Variants in TRIM66 observed in about 807,000 individuals in gnomAD.
TRIM66 encodes the protein tripartite motif containing 66, also known as tripartite motif-containing protein 66.
A neutral mutation model predicts 148.2 loss-of-function variants in TRIM66; 99 were observed. The observed-to-expected ratio is 0.67, with a 90% confidence interval of 0.57 to 0.79. The LOEUF is 0.79. Ranked by LOEUF, TRIM66 falls within the 30% of genes least tolerant of loss-of-function variation. TRIM66 has a pLI of 0.00. For missense variants in TRIM66, 1,666 were observed against 1,697.9 expected (o/e 0.98, Z 0.33); for synonymous variants, 616 against 635.9 (o/e 0.97, Z 0.47).
chr11:8,619,091 C>A, intron 23 of TRIM66, 123 bp from the exon 24 acceptor site: 1 of 917,114 alleles, frequency 1.1e-6, no homozygotes, highest in Non-Finnish European at 1.6e-6. Flanking sequence ...TGGAACTTGA[C>A]ATTTTTCTCC....
chr11:8,661,927 G>A (rs2038285706), intron 6 of TRIM66, among the ~76,000 whole-genome samples: 1 of 152,170 alleles, frequency 6.6e-6, no homozygotes, highest in Non-Finnish European at 1.5e-5. Flanking sequence ...AGCACTGGCA[G>A]CAGCAAGCAC....
At chr11:8,631,078 T>C (rs2035350974) in intron 15 of TRIM66, among the ~76,000 whole-genome samples, 1 of 152,196 alleles carries the variant, frequency 6.6e-6, no homozygotes, top group Non-Finnish European at 1.5e-5. Flanking sequence ...AACATTGCTC[T>C]TTCATTTTAA....
At chr11:8,644,204 C>T (rs1380849435) in intron 12 of TRIM66, 11 of 325,720 alleles carry the variant, frequency 3.4e-5, no homozygotes, top group Non-Finnish European at 6.0e-5. Flanking sequence ...TCACTAGTGT[C>T]CTAATTCCCT....
In TRIM66 at chr11:8,679,981, T is replaced by A. The variant is rs1335966006; in HGVS notation, c.-465A>T. The A allele has an allele frequency of 6.6e-6, 1 of 152,354 alleles. No homozygotes were observed. The highest frequency in any genetic ancestry group is 2.1e-4 in the South Asian group (1 of 4,838). 9.4% of individuals were successfully genotyped at this position (152,354 alleles called of 1,614,324 possible). On this transcript the variant is annotated 5_prime_UTR_variant, in exon 2 of 25. Transcript: ENST00000646038. Reference sequence around the variant, plus strand: ...CACACACGTAAAATGAGGCTGGTAGTGCTGTACCTTCAGGCAGATGTATTT... The same window carrying A: ...CACACACGTAAAATGAGGCTGGTAGAGCTGTACCTTCAGGCAGATGTATTT...
chr11:8,670,889 T>C (rs1221146625), intron 6 of TRIM66, among the ~76,000 whole-genome samples: 2 of 152,244 alleles, frequency 1.3e-5, no homozygotes, highest in East Asian at 1.9e-4. Context: ...ATCCAGACTA[T>C]AGTTTTTAAA....
At chr11:8,633,107 G>T (rs1275964469) in intron 15 of TRIM66, among the ~76,000 whole-genome samples, 1 of 152,168 alleles carries the variant, frequency 6.6e-6, no homozygotes, top group South Asian at 2.1e-4. Flanking sequence ...AGGAGAATTT[G>T]GTCAAAGGTA....
intron 18 of TRIM66, among the ~76,000 whole-genome samples, chr11:8,622,361 CACACATAT>C (rs1362206320): frequency 3.7e-5 from 2 of 54,588 alleles, no homozygotes; most frequent in Non-Finnish European, 8.9e-5. Flanking sequence ...CACACACACA[CACACATAT>C]ATATATATAT....
intron 6 of TRIM66, among the ~76,000 whole-genome samples, chr11:8,666,578 C>A (rs11042029): frequency 0.37 from 56,149 of 151,570 alleles, 11,370 homozygotes; most frequent in East Asian, 0.6. Flanking sequence ...GTCCTCATTT[C>A]ATCTTCACAA....
At chr11:8,628,311 T>C (rs948042660) in intron 15 of TRIM66, among the ~76,000 whole-genome samples, 12 of 152,068 alleles carry the variant, frequency 7.9e-5, no homozygotes, top group Non-Finnish European at 1.6e-4. Context: ...GATTTTTTTA[T>C]AGATTTAGAT....
intron 3 of TRIM66, among the ~76,000 whole-genome samples, chr11:8,677,330 C>T (rs2039221243): frequency 6.6e-6 from 1 of 152,098 alleles, no homozygotes; most frequent in Admixed American, 6.6e-5. Context: ...TTGTACCTGC[C>T]CCTCACTTGC....
rs574015082 is a variant in TRIM66, at chr11:8,663,205, A to G, written c.340+8581T>C. 2.0e-5 allele frequency: 3 copies of G among 152,286 alleles called. No individual in the cohort carries two copies. The East Asian group carries it at 5.8e-4, about 29-fold the overall frequency. 9.4% of individuals were successfully genotyped at this position (152,286 alleles called of 1,614,324 possible). A position where few individuals can be genotyped will look rare whatever the true frequency, so the allele number is the denominator to read the frequency against. On this transcript the variant is annotated intron_variant, in intron 6 of 24. Transcript: ENST00000646038. ...CCTCAGTACCTGAGAGGTGACGCAG[A>G]CCCATCTTCCTAGTTGCTGGGGAGA...
At chr11:8,625,507 G>A (rs1055756670) in intron 15 of TRIM66, among the ~76,000 whole-genome samples, 2 of 150,984 alleles carry the variant, frequency 1.3e-5, no homozygotes, top group Non-Finnish European at 3.0e-5. Flanking sequence ...CAGCAAGAGT[G>A]AGAAGGAGAA....
chr11:8,655,697 G>C (rs2037766562), intron 6 of TRIM66, among the ~76,000 whole-genome samples: 1 of 152,128 alleles, frequency 6.6e-6, no homozygotes, highest in Admixed American at 6.5e-5. Context: ...CAGGAGAATT[G>C]CTTGAAGCTA....
intron 8 of TRIM66, among the ~76,000 whole-genome samples, 191 bp from the exon 9 acceptor site, chr11:8,648,739 C>A (rs1316126458): frequency 6.6e-6 from 1 of 152,144 alleles, no homozygotes; most frequent in Non-Finnish European, 1.5e-5. Context: ...CTGGATTTGC[C>A]CAGTTGTCCA....
At position 8,621,248 on chromosome 11, in the gene TRIM66, A is replaced by G. The variant is rs2034183608; in HGVS notation, c.3329T>C (p.Leu1110Ser). 2.6e-6 allele frequency: 4 copies of G among 1,551,566 alleles called. No individual in the cohort carries two copies. Among genetic ancestry groups the G allele is most frequent in the East Asian group, 2.4e-5 (1 of 40,916 alleles). The change falls in exon 20 of 25, where the codon TTG becomes TCG. Residue 1110 changes from leucine (L) to serine (S), a missense_variant. Physicochemically the swap from Leu to Ser is moderately radical, Grantham distance 145 (BLOSUM62 -2). Transcript: ENST00000646038. Reference protein sequence around the residue: ...LEGRKVTVTSLAGQRPPEVEG... With the variant: ...LEGRKVTVTSSAGQRPPEVEG... ...CACTTCTGGTGGCCGCTGCCCAGCC[A>G]AAGAAGTGACAGTGACCTTTCTTCC...
intron 18 of TRIM66, among the ~76,000 whole-genome samples, chr11:8,622,445 C>T (rs539998147): frequency 6.7e-6 from 1 of 148,610 alleles, no homozygotes; most frequent in Non-Finnish European, 1.5e-5. Flanking sequence ...TGAATTGTTA[C>T]TCCAGATCCT....
intron 22 of TRIM66, 135 bp downstream of exon 22, chr11:8,619,915 A>T: frequency 1.1e-6 from 1 of 899,518 alleles, no homozygotes; most frequent in Non-Finnish European, 1.7e-6. Context: ...CAGAAAAGAC[A>T]GTAGCAGGCA....
intron 13 of TRIM66, 62 bp downstream of exon 13, chr11:8,642,942 AGTAAG>A (rs1411024693): frequency 1.8e-6 from 2 of 1,107,164 alleles, no homozygotes; most frequent in Non-Finnish European, 2.5e-6. Context: ...TGACCTACCC[AGTAAG>A]GTAAGCAATT....
intron 10 of TRIM66, among the ~76,000 whole-genome samples, chr11:8,647,510 GCT>G (rs2036972040): frequency 6.6e-6 from 1 of 152,172 alleles, no homozygotes; most frequent in African/African-American, 2.4e-5. Flanking sequence ...CACATGAGGT[GCT>G]CTCAGCACCT....
Sources: allele counts gnomAD v4.1 joint callset (sites outside exome capture counted in the v4.1 genomes callset), GRCh38; gene constraint gnomAD v4.1.1; transcripts MANE v1.5; gene names NCBI Gene and HGNC (gene_info 2026-07-23, HGNC 2026-07-21).